The following PTPN13 variants were observed in gnomAD, a reference collection of about 807,000 sequenced individuals.
PTPN13 encodes the protein protein tyrosine phosphatase non-receptor type 13.
A neutral mutation model predicts 284.0 loss-of-function variants in PTPN13; 191 were observed. That is an observed-to-expected ratio of 0.67 (90% CI 0.60 to 0.76). The LOEUF is 0.76. PTPN13 is among the 30% of genes least tolerant of loss of function. PTPN13 has a pLI of 0.00. For missense variants in PTPN13, 2,797 were observed against 2,939.9 expected (o/e 0.95, Z 1.12); for synonymous variants, 986 against 1,022.3 (o/e 0.96, Z 0.68).
intron 35 of PTPN13, among the ~76,000 whole-genome samples, chr4:86,778,603 G>A (rs1740916724): frequency 6.6e-6 from 1 of 152,158 alleles, no homozygotes; most frequent in Non-Finnish European, 1.5e-5. Flanking sequence ...GAGGAAAACA[G>A]GAACCCATCA....
intron 2 of PTPN13, among the ~76,000 whole-genome samples, chr4:86,657,995 A>C (rs943366060): frequency 3.3e-5 from 5 of 152,128 alleles, no homozygotes; most frequent in Admixed American, 6.5e-5. Context: ...TGCCTCTGAG[A>C]CTAGTGCAGC....
At chr4:86,735,492 G>A in intron 14 of PTPN13, 102 bp from the exon 15 acceptor site, 1 of 1,209,196 alleles carries the variant, frequency 8.3e-7, no homozygotes, top group Non-Finnish European at 1.2e-6. Context: ...AGAAATAGAA[G>A]TACTTCATCT....
intron 7 of PTPN13, among the ~76,000 whole-genome samples, chr4:86,711,036 G>A (rs147670352): frequency 2.0e-5 from 3 of 147,812 alleles, no homozygotes; most frequent in East Asian, 4.0e-4. Context: ...CAATTCTCTC[G>A]CCTCAGCCTC....
intron 15 of PTPN13, among the ~76,000 whole-genome samples, chr4:86,735,980 A>G (rs1735451215): frequency 6.6e-6 from 1 of 152,216 alleles, no homozygotes; most frequent in Admixed American, 6.5e-5. Flanking sequence ...ATTTGAACCC[A>G]TGTCTATCTG....
intron 2 of PTPN13, among the ~76,000 whole-genome samples, chr4:86,655,861 C>T (rs543062556): frequency 1.3e-5 from 2 of 152,304 alleles, no homozygotes; most frequent in East Asian, 3.9e-4. Context: ...CCATTCTCCC[C>T]ATCACTTTCA....
rs746867568 is a variant in PTPN13 at position 86,759,089 on chromosome 4, C to G, written c.3553+16C>G. 6.2e-6 allele frequency: 10 copies of G among 1,608,648 alleles called. No homozygotes were observed. In the African/African-American group the frequency reaches 8.0e-5, roughly 13 times the overall value. On this transcript the variant is annotated intron_variant, in intron 23 of 47. Transcript: ENST00000411767. ...ATATCCAAAGGTAATGTGAATGTCTCTTACTTATGTATTCTGTTTCACTTT... is the reference window on the plus strand; with the variant it reads ...ATATCCAAAGGTAATGTGAATGTCTGTTACTTATGTATTCTGTTTCACTTT...
At chr4:86,714,489 A>G (rs895568727) in intron 7 of PTPN13, among the ~76,000 whole-genome samples, 22 of 151,876 alleles carry the variant, frequency 1.4e-4, no homozygotes, top group Middle Eastern at 3.4e-3. Context: ...CTCCCACTCA[A>G]CGGGCTTATT....
intron 40 of PTPN13, among the ~76,000 whole-genome samples, chr4:86,787,305 A>G (rs1050231811): frequency 1.3e-5 from 2 of 152,112 alleles, no homozygotes; most frequent in African/African-American, 4.8e-5. Flanking sequence ...AAAACTGTTA[A>G]GTCCTAGCCG....
At chr4:86,610,483 A>G (rs1206808989) in intron 1 of PTPN13, among the ~76,000 whole-genome samples, 2 of 152,220 alleles carry the variant, frequency 1.3e-5, no homozygotes, top group African/African-American at 4.8e-5. Flanking sequence ...AAATGCCTGC[A>G]GGGGCAAAAA....
intron 15 of PTPN13, among the ~76,000 whole-genome samples, chr4:86,739,639 A>G (rs1735933555): frequency 6.6e-6 from 1 of 152,178 alleles, no homozygotes; most frequent in Non-Finnish European, 1.5e-5. Context: ...CCCAAATCTC[A>G]TGTCCTCACA....
chr4:86,758,813 G>C, intron 22 of PTPN13, 28 bp downstream of exon 22: 1 of 1,602,628 alleles, frequency 6.2e-7, no homozygotes, highest in Non-Finnish European at 8.5e-7. Context: ...AGTTTTCTAA[G>C]TATTTTCTGA....
At chr4:86,701,190 A>T in intron 6 of PTPN13, 51 bp from the exon 7 acceptor site, 1 of 1,350,838 alleles carries the variant, frequency 7.4e-7, no homozygotes, top group Non-Finnish European at 1.0e-6. Context: ...TTACATTTCC[A>T]TTTATTTTCT....
intron 7 of PTPN13, among the ~76,000 whole-genome samples, chr4:86,703,722 A>G (rs970855288): frequency 2.0e-5 from 3 of 152,150 alleles, no homozygotes; most frequent in Non-Finnish European, 4.4e-5. Context: ...TTTTTTAATT[A>G]TCCAAGTGTG....
At position 86,784,968 on chromosome 4, in the gene PTPN13, G is replaced by A. The variant is rs150989536; in HGVS notation, c.6119-263G>A. Among the ~76,000 whole-genome samples the A allele has an allele frequency of 3.3e-3, 509 of 152,108 alleles. 1 individual carries two copies. Among genetic ancestry groups the A allele is most frequent in the African/African-American group, 0.012 (491 of 41,516 alleles). ...ATAAACATTAAATTATTAATGCCTT[G>A]TGAAAAGCCGTATCACCAACATTGA... On this transcript the variant is annotated intron_variant, in intron 38 of 47. Coordinates refer to ENST00000411767, the MANE Select transcript of PTPN13 (RefSeq NM_080683.3).
chr4:86,770,451 C>T (rs1739859411), intron 30 of PTPN13, among the ~76,000 whole-genome samples: 1 of 152,078 alleles, frequency 6.6e-6, no homozygotes, highest in African/African-American at 2.4e-5. Context: ...TTTTAATGGG[C>T]ACTGATACTA....
chr4:86,712,049 A>T (rs1326086007), intron 7 of PTPN13, among the ~76,000 whole-genome samples: 1 of 152,158 alleles, frequency 6.6e-6, no homozygotes, highest in Non-Finnish European at 1.5e-5. Context: ...AAATGGGTAC[A>T]TGAAGATTCA....
Position 86,727,736 on chromosome 4 carries a change from C to G in PTPN13, c.1609-4664C>G, listed in dbSNP as rs1043639882. Among the ~76,000 whole-genome samples, 9 of 149,160 alleles carry G rather than the reference C, an allele frequency of 6.0e-5. 3 individuals carry two copies. Among genetic ancestry groups the G allele is most frequent in the Non-Finnish European group, 1.4e-4 (9 of 66,520 alleles). ...TTTATTAGTCTTGCTAGCAGTACAT[C>G]AATTTTGTTGATCTTTTCAAAAAAC... is the stretch of plus-strand genomic sequence containing the variant. On this transcript the variant is annotated intron_variant, in intron 10 of 47. Coordinates refer to ENST00000411767, the MANE Select transcript of PTPN13 (RefSeq NM_080683.3).
chr4:86,755,494 A>C (rs1366639240), intron 20 of PTPN13, among the ~76,000 whole-genome samples: 1 of 152,190 alleles, frequency 6.6e-6, no homozygotes, highest in Non-Finnish European at 1.5e-5. Flanking sequence ...TTGAAAAGTA[A>C]CTTTTAGCTA....
At chr4:86,662,496 T>C (rs1726618706) in intron 2 of PTPN13, among the ~76,000 whole-genome samples, 1 of 152,130 alleles carries the variant, frequency 6.6e-6, no homozygotes, top group Non-Finnish European at 1.5e-5. Context: ...CACGCCCAGC[T>C]AATTTTTATA....
Sources: gnomAD v4.1 joint callset for allele counts (sites outside exome capture counted in the v4.1 genomes callset) on GRCh38, gnomAD v4.1.1 for gene constraint, MANE v1.5 for transcripts, NCBI Gene and HGNC (gene_info 2026-07-23, HGNC 2026-07-21) for gene names.